Variants in THSD4 observed in about 807,000 individuals in gnomAD.
The protein encoded by THSD4 is thrombospondin type 1 domain containing 4.
A neutral mutation model predicts 119.0 loss-of-function variants in THSD4; 69 were observed. That is an observed-to-expected ratio of 0.58 (90% CI 0.48 to 0.71). THSD4 has a LOEUF of 0.71. Among genes scored for constraint, THSD4 ranks in the 30% least tolerant of loss-of-function variants. THSD4 has a pLI of 0.00. For missense variants in THSD4, 1,393 were observed against 1,391.1 expected (o/e 1.00, Z -0.02); for synonymous variants, 524 against 540.4 (o/e 0.97, Z 0.42).
chr15:71,457,431 C>T (rs149048134), intron 7 of THSD4, among the ~76,000 whole-genome samples: 6 of 150,212 alleles, frequency 4.0e-5, no homozygotes, highest in African/African-American at 1.5e-4. Flanking sequence ...GTGTTTCCAA[C>T]CTTGCCCATT....
At chr15:71,749,805 G>A (rs1053755355) in intron 14 of THSD4, among the ~76,000 whole-genome samples, 22 of 150,156 alleles carry the variant, frequency 1.5e-4, no homozygotes, top group African/African-American at 4.9e-4. Flanking sequence ...CTGCAGCCTC[G>A]ACCTGCTGGG....
intron 8 of THSD4, among the ~76,000 whole-genome samples, chr15:71,694,628 G>T (rs1246993592): frequency 6.6e-6 from 1 of 152,240 alleles, no homozygotes; most frequent in South Asian, 2.1e-4. Context: ...CCAAACAAAA[G>T]AACTGTTAAA....
chr15:71,737,631 G>C, intron 10 of THSD4, 101 bp from the exon 11 acceptor site: 1 of 1,428,762 alleles, frequency 7.0e-7, no homozygotes, highest in East Asian at 2.5e-5. Flanking sequence ...ACTTAGAAAC[G>C]ATCTCATGCT....
At position 71,707,939 on chromosome 15, in the gene THSD4, A is replaced by T. The variant is rs12591953; in HGVS notation, c.1358-20610A>T. 2.0e-5 allele frequency among the ~76,000 whole-genome samples: 3 copies of T among 152,038 alleles called. 1 individual carries two copies. The highest frequency in any genetic ancestry group is 7.2e-5 in the African/African-American group (3 of 41,412). On this transcript the variant is annotated intron_variant, in intron 8 of 17. Coordinates refer to ENST00000261862, the MANE Select transcript of THSD4 (RefSeq NM_024817.3). ...TAACCACTGTGTTGTGCAAGAGTATATTCTTGGAGCCTCTTAAAATCCAGT... is the reference window on the plus strand; with the variant it reads ...TAACCACTGTGTTGTGCAAGAGTATTTTCTTGGAGCCTCTTAAAATCCAGT...
chr15:71,484,745 A>G (rs569306847), intron 7 of THSD4, among the ~76,000 whole-genome samples: 16 of 152,306 alleles, frequency 1.1e-4, no homozygotes, highest in East Asian at 7.7e-4. Context: ...ACGTGAAGTG[A>G]CCTGTCCGTG....
At chr15:71,387,120 A>G (rs2046303762) in intron 6 of THSD4, among the ~76,000 whole-genome samples, 1 of 152,048 alleles carries the variant, frequency 6.6e-6, no homozygotes, top group South Asian at 2.1e-4. Context: ...TAGGCTTCTT[A>G]GGACTTGGGC....
At chr15:71,208,734 A>G (rs1415109965) in intron 3 of THSD4, among the ~76,000 whole-genome samples, 1 of 152,032 alleles carries the variant, frequency 6.6e-6, no homozygotes, top group Admixed American at 6.6e-5. Flanking sequence ...CTGGTCACGA[A>G]CGCCTGACCT....
chr15:71,568,953 A>G (rs142368064), intron 7 of THSD4, among the ~76,000 whole-genome samples: 1 of 152,294 alleles, frequency 6.6e-6, no homozygotes, highest in East Asian at 1.9e-4. Context: ...CTGCTTGTCT[A>G]TAGAGTATAT....
intron 1 of THSD4, among the ~76,000 whole-genome samples, chr15:71,106,636 A>G (rs1349524523): frequency 2.0e-5 from 3 of 152,202 alleles, no homozygotes; most frequent in Non-Finnish European, 4.4e-5. Flanking sequence ...TACAAATGTC[A>G]TCATACTTTA....
chr15:71,275,063 C>T (rs1442782), intron 6 of THSD4, among the ~76,000 whole-genome samples: 75,043 of 151,728 alleles, frequency 0.49, 19,183 homozygotes, highest in East Asian at 0.71. Flanking sequence ...TGTGGCTGGT[C>T]GGGGTGTCAG....
intron 7 of THSD4, among the ~76,000 whole-genome samples, chr15:71,442,660 G>GTGTATGTATGTATATATATA: frequency 3.9e-5 from 1 of 25,826 alleles, no homozygotes; most frequent in African/African-American, 1.1e-4. Flanking sequence ...GTGTGTGTGT[G>GTGTATGTATGTATATATATA]TATATATATA....
chr15:71,745,109 C>G lies in THSD4; in HGVS notation c.1910C>G (p.Ser637Trp). ...TECSTTCGKG[S>W]QYPIFRCVHR... ...AGACATTCTCCTGTTGTTGCAGGATCGCAGTACCCTATTTTCCGCTGTGTG... is the reference window on the plus strand; with the variant it reads ...AGACATTCTCCTGTTGTTGCAGGATGGCAGTACCCTATTTTCCGCTGTGTG... The change falls in exon 12 of 18, where the codon TCG becomes TGG. Residue 637 changes from serine to tryptophan, a missense_variant. Ser to Trp is a radical substitution (Grantham distance 177). Transcript: ENST00000261862. 1 of 1,610,676 alleles carries G rather than the reference C, an allele frequency of 6.2e-7. No homozygotes were observed. The highest frequency in any genetic ancestry group is 8.5e-7 in the Non-Finnish European group (1 of 1,178,960).
intron 6 of THSD4, among the ~76,000 whole-genome samples, chr15:71,280,383 G>T (rs1051420900): frequency 6.6e-6 from 1 of 152,146 alleles, no homozygotes; most frequent in African/African-American, 2.4e-5. Context: ...TCAGAGCTGA[G>T]CTTCAGGAAA....
chr15:71,215,514 C>A, intron 4 of THSD4, 115 bp downstream of exon 4: 2 of 1,113,518 alleles, frequency 1.8e-6, no homozygotes, highest in South Asian at 2.0e-5. Flanking sequence ...TAATGCATTG[C>A]TCTGCCAGGT....
At position 71,698,620 on chromosome 15, in the gene THSD4, G is replaced by GTGAAATATATACATGCATGTATATATACA. The variant is rs1455042386; in HGVS notation, c.1358-29902_1358-29874dup. On this transcript the variant is annotated intron_variant, in intron 8 of 17. Transcript: ENST00000261862. ...TTATAGACGAATGGATGAAGAACTT[G>GTGAAATATATACATGCATGTATATATACA]TGAAATATATACATGCATGTATATA... Among the ~76,000 whole-genome samples the GTGAAATATATACATGCATGTATATATACA allele has an allele frequency of 1.2e-4, 16 of 137,790 alleles. No homozygotes were observed. In the East Asian group the frequency reaches 1.2e-3, roughly 11 times the overall value. The allele number at this position is 137,790 out of a possible 152,430, so 90.4% of individuals were successfully genotyped here.
At chr15:71,147,659 TTG>T (rs2040676076) in intron 2 of THSD4, 1 of 152,204 alleles carries the variant, frequency 6.6e-6, no homozygotes, top group Non-Finnish European at 1.5e-5. Flanking sequence ...CCAAAGCGTG[TTG>T]TGTCTTTAAA....
chr15:71,463,387 A>G (rs1473822579), intron 7 of THSD4, among the ~76,000 whole-genome samples: 3 of 152,184 alleles, frequency 2.0e-5, no homozygotes, highest in Admixed American at 1.3e-4. Context: ...TCCAGCAGCT[A>G]TCTTTGAGAA....
chr15:71,546,081 T>A (rs1326089947), intron 7 of THSD4, among the ~76,000 whole-genome samples: 3 of 152,150 alleles, frequency 2.0e-5, no homozygotes, highest in Non-Finnish European at 4.4e-5. Context: ...TGTGCCTAGG[T>A]GAGCTCATTG....
At chr15:71,692,066 C>G (rs1595867845) in intron 8 of THSD4, among the ~76,000 whole-genome samples, 3 of 152,170 alleles carry the variant, frequency 2.0e-5, no homozygotes, top group African/African-American at 7.2e-5. Flanking sequence ...GGTGTGTTCT[C>G]TATCCAAATG....
Sources: gnomAD v4.1 joint callset for allele counts (sites outside exome capture counted in the v4.1 genomes callset) on GRCh38, gnomAD v4.1.1 for gene constraint, MANE v1.5 for transcripts, NCBI Gene and HGNC (gene_info 2026-07-23, HGNC 2026-07-21) for gene names.